The following MEGF11 variants were observed in gnomAD, a reference collection of about 807,000 sequenced individuals.
The protein encoded by MEGF11 is multiple EGF like domains 11.
A neutral mutation model predicts 146.6 loss-of-function variants in MEGF11; 126 were observed. That is an observed-to-expected ratio of 0.86 (90% CI 0.74 to 1.00). The LOEUF is 1.00. Among genes scored for constraint, MEGF11 ranks in the 50% least tolerant of loss-of-function variants. The pLI, the probability that MEGF11 is intolerant of heterozygous loss-of-function variation, is 0.00. For missense variants in MEGF11, 1,509 were observed against 1,521.2 expected (o/e 0.99, Z 0.13); for synonymous variants, 532 against 583.4 (o/e 0.91, Z 1.27).
chr15:65,966,801 G>A (rs1393690612), intron 8 of MEGF11, among the ~76,000 whole-genome samples: 2 of 151,964 alleles, frequency 1.3e-5, no homozygotes, highest in African/African-American at 4.8e-5. Flanking sequence ...CTCCGTGGGC[G>A]AGTGTGACCC....
chr15:66,148,324 C>T (rs570407633), intron 1 of MEGF11, among the ~76,000 whole-genome samples: 37 of 152,290 alleles, frequency 2.4e-4, no homozygotes, highest in Non-Finnish European at 4.6e-4. Context: ...AGATTATTTA[C>T]GCAGAGACCT....
At chr15:66,170,762 C>T (rs2090228901) in intron 1 of MEGF11, among the ~76,000 whole-genome samples, 1 of 152,132 alleles carries the variant, frequency 6.6e-6, no homozygotes, top group Admixed American at 6.5e-5. Context: ...TGAAGACCCC[C>T]ACTCCCCATC....
At chr15:66,246,422 T>C (rs758825873) in intron 1 of MEGF11, among the ~76,000 whole-genome samples, 15 of 151,908 alleles carry the variant, frequency 9.9e-5, no homozygotes, top group Admixed American at 8.5e-4. Flanking sequence ...GAAGGGGAGA[T>C]GACTTGAGAG....
At chr15:66,027,157 G>C (rs1283427206) in intron 5 of MEGF11, among the ~76,000 whole-genome samples, 6 of 152,172 alleles carry the variant, frequency 3.9e-5, no homozygotes, top group East Asian at 3.9e-4. Flanking sequence ...AGGCCAGCAA[G>C]CTCACTCAGA....
chr15:66,082,303 G>A (rs1383706860), intron 5 of MEGF11, among the ~76,000 whole-genome samples: 1 of 150,252 alleles, frequency 6.7e-6, no homozygotes, highest in Non-Finnish European at 1.5e-5. Flanking sequence ...AAATGGGATA[G>A]TTGGCCAGGC....
intron 10 of MEGF11, among the ~76,000 whole-genome samples, chr15:65,955,793 T>TATACACACACACAC (rs1555455862): frequency 5.9e-4 from 4 of 6,780 alleles, no homozygotes; most frequent in South Asian, 0.011. Context: ...TATATATATA[T>TATACACACACACAC]ACACACACAC....
At chr15:65,979,589 C>A (rs1596946224) in intron 7 of MEGF11, among the ~76,000 whole-genome samples, 2 of 152,180 alleles carry the variant, frequency 1.3e-5, no homozygotes, top group African/African-American at 4.8e-5. Context: ...GGGACGCAGC[C>A]CAGGAAGGTC....
At chr15:66,126,191 A>C (rs887469353) in intron 2 of MEGF11, among the ~76,000 whole-genome samples, 3 of 152,166 alleles carry the variant, frequency 2.0e-5, no homozygotes, top group Non-Finnish European at 2.9e-5. Context: ...ATTCTCCCTA[A>C]GTGGTCTCCA....
intron 1 of MEGF11, among the ~76,000 whole-genome samples, chr15:66,193,262 A>G (rs1257199446): frequency 4.6e-5 from 7 of 152,222 alleles, no homozygotes; most frequent in Non-Finnish European, 1.5e-5. Flanking sequence ...GTCTGGGCTC[A>G]GACTGAAGCT....
intron 1 of MEGF11, among the ~76,000 whole-genome samples, chr15:66,141,365 G>A (rs1400084691): frequency 6.6e-6 from 1 of 151,496 alleles, no homozygotes; most frequent in Non-Finnish European, 1.5e-5. Context: ...CGAGATTGGA[G>A]CAGCGGAGGG....
chr15:66,089,474 G>T (rs1194042761), intron 5 of MEGF11, among the ~76,000 whole-genome samples: 1 of 152,156 alleles, frequency 6.6e-6, no homozygotes, highest in Non-Finnish European at 1.5e-5. Flanking sequence ...CCTTCTGGAG[G>T]GCAGGCTCAG....
At chr15:66,224,625 A>T (rs985008613) in intron 1 of MEGF11, among the ~76,000 whole-genome samples, 64 of 122,420 alleles carry the variant, frequency 5.2e-4, no homozygotes, top group African/African-American at 1.8e-3. Flanking sequence ...AATATATATT[A>T]TATATTATTA....
intron 1 of MEGF11, among the ~76,000 whole-genome samples, chr15:66,246,528 T>G (rs1216277382): frequency 6.6e-6 from 1 of 152,042 alleles, no homozygotes; most frequent in South Asian, 2.1e-4. Flanking sequence ...ATCTGCCCAG[T>G]GCAGTGGCTC....
intron 1 of MEGF11, among the ~76,000 whole-genome samples, chr15:66,172,586 T>C (rs936655383): frequency 5.9e-5 from 9 of 152,112 alleles, no homozygotes; most frequent in Admixed American, 4.6e-4. Flanking sequence ...CCCTCTCTCC[T>C]AATGCTCCCT....
intron 9 of MEGF11, among the ~76,000 whole-genome samples, chr15:65,960,954 C>T (rs1328128766): frequency 6.8e-6 from 1 of 147,434 alleles, no homozygotes; most frequent in Non-Finnish European, 1.5e-5. Context: ...AAAATCATTC[C>T]TTTTTTTTTT....
intron 1 of MEGF11, among the ~76,000 whole-genome samples, chr15:66,133,653 T>A (rs1472413470): frequency 6.6e-6 from 1 of 151,990 alleles, no homozygotes; most frequent in Non-Finnish European, 1.5e-5. Context: ...TAGTGCGAGA[T>A]GAAAAGAGGA....
At chr15:66,027,510 G>A (rs528199268) in intron 5 of MEGF11, among the ~76,000 whole-genome samples, 9 of 152,236 alleles carry the variant, frequency 5.9e-5, no homozygotes, top group South Asian at 2.1e-4. Flanking sequence ...CATTCTTCCC[G>A]TTCACAATGG....
intron 1 of MEGF11, among the ~76,000 whole-genome samples, chr15:66,212,544 G>C (rs1032016148): frequency 2.0e-5 from 3 of 152,204 alleles, no homozygotes; most frequent in Admixed American, 6.5e-5. Context: ...GCCAGGCTGG[G>C]CTGGCCCCTC....
intron 10 of MEGF11, 82 bp from the exon 11 acceptor site, chr15:65,931,025 G>T: frequency 1.4e-6 from 2 of 1,392,330 alleles, no homozygotes; most frequent in Non-Finnish European, 9.5e-7. Flanking sequence ...GACCCCTGCT[G>T]CCCCCAACAT....
Sources: gnomAD v4.1 joint callset for allele counts (sites outside exome capture counted in the v4.1 genomes callset) on GRCh38, gnomAD v4.1.1 for gene constraint, MANE v1.5 for transcripts, NCBI Gene and HGNC (gene_info 2026-07-23, HGNC 2026-07-21) for gene names.